The following WDR27 variants were observed in gnomAD, a reference collection of about 807,000 sequenced individuals.
WDR27 encodes the protein WD repeat-containing protein 27.
WDR27 carries 100 observed loss-of-function variants against 114.4 expected under a neutral mutation model. The ratio of observed to expected loss-of-function variants is 0.87; its 90% CI spans 0.74 to 1.03. The LOEUF is 1.03. Among genes scored for constraint, WDR27 ranks in the 50% least tolerant of loss-of-function variants. The pLI is 0.00. For synonymous variants in WDR27, 449 were observed against 423.1 expected, an observed-to-expected ratio of 1.06 and a Z score of -0.75; for missense variants, 1,129 against 1,092.9, an observed-to-expected ratio of 1.03 and a Z score of -0.47.
chr6:169,472,265 T>C (rs1467722888), intron 25 of WDR27, among the ~76,000 whole-genome samples: 1 of 152,226 alleles, frequency 6.6e-6, no homozygotes, highest in Non-Finnish European at 1.5e-5. Context: ...GCTAGATACA[T>C]ACATACATAA....
chr6:169,576,949 G>A (rs897786620), intron 24 of WDR27, among the ~76,000 whole-genome samples: 1 of 129,518 alleles, frequency 7.7e-6, no homozygotes, highest in South Asian at 2.9e-4. Flanking sequence ...AATTAGCACA[G>A]ACAGAATTAT....
chr6:169,683,811 T>C (rs1782188007), intron 2 of WDR27, among the ~76,000 whole-genome samples: 1 of 152,164 alleles, frequency 6.6e-6, no homozygotes, highest in Non-Finnish European at 1.5e-5. Context: ...AACAGGAGAA[T>C]CCCACAGTCC....
the WDR27 span, among the ~76,000 whole-genome samples, chr6:169,444,884 C>T: frequency 1.2e-4 from 19 of 152,148 alleles, no homozygotes; most frequent in Non-Finnish European, 2.5e-4. Context: ...AGAGGCTGCA[C>T]AGCCCTCTGT....
intron 8 of WDR27, among the ~76,000 whole-genome samples, chr6:169,662,687 G>A (rs1826599262): frequency 7.0e-6 from 1 of 143,574 alleles, no homozygotes; most frequent in Non-Finnish European, 1.5e-5. Context: ...CACGTGTCGA[G>A]GAAAGCACTA....
chr6:169,649,021 A>C (rs1584891194), intron 15 of WDR27, among the ~76,000 whole-genome samples, 177 bp downstream of exon 15: 1 of 152,392 alleles, frequency 6.6e-6, no homozygotes, highest in Non-Finnish European at 1.5e-5. Flanking sequence ...AATTAACAGG[A>C]AAGAAATTTG....
At chr6:169,576,142 C>T (rs545873487) in intron 24 of WDR27, among the ~76,000 whole-genome samples, 9 of 152,250 alleles carry the variant, frequency 5.9e-5, no homozygotes, top group Non-Finnish European at 1.3e-4. Flanking sequence ...AACATTACAA[C>T]ATGAAATGTG....
intron 4 of WDR27, 22 bp downstream of exon 4, chr6:169,670,547 T>C: frequency 6.2e-7 from 1 of 1,613,746 alleles, no homozygotes; most frequent in Non-Finnish European, 8.5e-7. Context: ...TTCCGTGAAA[T>C]CCACGTGAAT....
At chr6:169,577,287 C>G (rs896257223) in intron 24 of WDR27, among the ~76,000 whole-genome samples, 4 of 152,090 alleles carry the variant, frequency 2.6e-5, no homozygotes, top group Non-Finnish European at 5.9e-5. Flanking sequence ...AGGGCGGGGT[C>G]CGGGCAGGCC....
At chr6:169,492,777 C>T (rs957111579) in intron 25 of WDR27, among the ~76,000 whole-genome samples, 12 of 151,952 alleles carry the variant, frequency 7.9e-5, no homozygotes, top group African/African-American at 2.9e-4. Flanking sequence ...TAACAAAACT[C>T]TAATTGACAA....
intron 25 of WDR27, among the ~76,000 whole-genome samples, chr6:169,459,958 A>G (rs893265015): frequency 2.0e-5 from 3 of 152,182 alleles, no homozygotes; most frequent in Admixed American, 6.5e-5. Context: ...AGAAATGTGT[A>G]CGGGAGCCCC....
At chr6:169,481,419 G>A (rs1403755714) in intron 25 of WDR27, among the ~76,000 whole-genome samples, 1 of 152,210 alleles carries the variant, frequency 6.6e-6, no homozygotes, top group Non-Finnish European at 1.5e-5. Flanking sequence ...ATAAAAGCAG[G>A]CTGCCCAAGC....
At chr6:169,509,598 T>C (rs1792491869) in intron 25 of WDR27, among the ~76,000 whole-genome samples, 2 of 151,616 alleles carry the variant, frequency 1.3e-5, no homozygotes, top group Admixed American at 6.6e-5. Context: ...TGAAACTGGA[T>C]CCCTTCCTTA....
intron 7 of WDR27, 158 bp downstream of exon 7, chr6:169,665,328 C>T (rs992304228): frequency 5.9e-5 from 83 of 1,410,350 alleles, no homozygotes; most frequent in Non-Finnish European, 7.3e-5. Flanking sequence ...CCCACAGTGA[C>T]GCTGAGACCC....
At chr6:169,491,982 A>G (rs1789833519) in intron 25 of WDR27, among the ~76,000 whole-genome samples, 1 of 152,208 alleles carries the variant, frequency 6.6e-6, no homozygotes, top group Admixed American at 6.5e-5. Flanking sequence ...AAATTGTAAA[A>G]CACATATTGA....
At chr6:169,662,041 C>T (rs1047297074) in intron 9 of WDR27, among the ~76,000 whole-genome samples, 7 of 152,180 alleles carry the variant, frequency 4.6e-5, no homozygotes, top group Admixed American at 3.9e-4. Flanking sequence ...AAAGTTGTAT[C>T]ACAGAGGCAA....
chr6:169,478,340 T>C (rs574770491), intron 25 of WDR27, among the ~76,000 whole-genome samples: 6 of 152,304 alleles, frequency 3.9e-5, no homozygotes, highest in South Asian at 4.1e-4. Context: ...ATAATGGAAG[T>C]TGGCAAAAGA....
At chr6:169,612,852 T>C (rs1487829814) in intron 22 of WDR27, among the ~76,000 whole-genome samples, 1 of 152,174 alleles carries the variant, frequency 6.6e-6, no homozygotes, top group Non-Finnish European at 1.5e-5. Context: ...GGTTAAGACA[T>C]CCTCATGTGC....
At chr6:169,481,983 C>T (rs149655297) in intron 25 of WDR27, among the ~76,000 whole-genome samples, 17 of 152,262 alleles carry the variant, frequency 1.1e-4, no homozygotes, top group African/African-American at 4.1e-4. Flanking sequence ...ATCCCAGTGT[C>T]TGTTGTTTCC....
At chr6:169,620,818 G>C (rs113615457) in intron 21 of WDR27, among the ~76,000 whole-genome samples, 5 of 151,870 alleles carry the variant, frequency 3.3e-5, no homozygotes, top group Non-Finnish European at 7.4e-5. Context: ...CCCCTCCACC[G>C]GCTTCACCAC....
Sources: gnomAD v4.1 joint callset for allele counts (sites outside exome capture counted in the v4.1 genomes callset) on GRCh38, gnomAD v4.1.1 for gene constraint, MANE v1.5 for transcripts, NCBI Gene and HGNC (gene_info 2026-07-23, HGNC 2026-07-21) for gene names.